GSTO1: variants seen among roughly 807,000 people sequenced by gnomAD.
The protein encoded by GSTO1 is glutathione S-transferase omega 1.
A neutral mutation model predicts 23.8 loss-of-function variants in GSTO1; 27 were observed. The ratio of observed to expected loss-of-function variants is 1.13; its 90% CI spans 0.83 to 1.56. GSTO1 has a LOEUF of 1.56. Ranked by LOEUF, GSTO1 falls within the 40% of genes most tolerant of loss-of-function variation. The probability of loss-of-function intolerance (pLI) is 0.00; values close to 1 mark genes in which losing one functional copy is unlikely to be tolerated. For synonymous variants in GSTO1, 105 were observed against 109.3 expected, an observed-to-expected ratio of 0.96 and a Z score of 0.25; for missense variants, 255 against 285.8, an observed-to-expected ratio of 0.89 and a Z score of 0.78.
Position 104,266,100 on chromosome 10 carries a change from A to C in GSTO1, c.482A>C (p.Lys161Thr), listed in dbSNP as rs200745440. 7.5e-6 allele frequency: 12 copies of C among 1,596,018 alleles called. No individual in the cohort carries two copies. Among genetic ancestry groups the C allele is most frequent in the East Asian group, 2.2e-5 (1 of 44,776 alleles). Reference protein sequence around the residue: ...TKLEEVLTNKKTTFFGGNSIS... With the variant: ...TKLEEVLTNKTTTFFGGNSIS... ...AATGTTCAGGTTCTGACTAATAAGA[A>C]GACGACCTTCTTTGGTGGCAATTCT... The change falls in exon 5 of 6, where the codon AAG becomes ACG. Residue 161 changes from lysine to threonine, a missense_variant. Coordinates refer to ENST00000369713, the MANE Select transcript of GSTO1 (RefSeq NM_004832.3).
In GSTO1 at chr10:104,267,324, G is replaced by A; in HGVS notation, c.645G>A (p.Leu215=). The change falls in exon 6 of 6, where the codon CTG becomes CTA. Residue 215 remains leucine, a synonymous_variant. Transcript: ENST00000369713. ...AGGAAGATCCCACAGTCTCAGCCCT[G>A]CTTACTAGTGAGAAAGACTGGCAAG... is the stretch of plus-strand genomic sequence containing the variant. The part of the protein sequence containing the change: ...AMKEDPTVSA[L]LTSEKDWQGF... 2 of 1,613,336 alleles carry A rather than the reference G, an allele frequency of 1.2e-6. No individual in the cohort carries two copies. Among genetic ancestry groups the A allele is most frequent in the Non-Finnish European group, 8.5e-7 (1 of 1,179,316 alleles).
At position 104,267,174 on chromosome 10, in the gene GSTO1, A is replaced by G. The variant is rs893448379; in HGVS notation, c.573-78A>G. 4 of 844,082 alleles carry G rather than the reference A, an allele frequency of 4.7e-6. No individual in the cohort carries two copies. In the African/African-American group the frequency reaches 6.8e-5, roughly 14 times the overall value. 52.3% of individuals were successfully genotyped at this position (844,082 alleles called of 1,614,324 possible). A position where few individuals can be genotyped will look rare whatever the true frequency, so the allele number is the denominator to read the frequency against. On this transcript the variant is annotated intron_variant, in intron 5 of 5. Coordinates refer to ENST00000369713, the MANE Select transcript of GSTO1 (RefSeq NM_004832.3). ...GGGAAAAAAGTGAAACTGTAGAGTA[A>G]TAATTACATATGGGAGACTCTGTGA...
intron 1 of GSTO1, 33 bp downstream of exon 1, chr10:104,254,995 C>G (rs553658962): frequency 6.3e-7 from 1 of 1,584,912 alleles, no homozygotes; most frequent in South Asian, 1.1e-5. Flanking sequence ...AGGGGGTGAT[C>G]TCGGCGACCC....
chr10:104,255,090 AC>A, intron 1 of GSTO1, 72 bp from the exon 2 acceptor site: 1 of 1,433,226 alleles, frequency 7.0e-7, no homozygotes, highest in African/African-American at 1.4e-5. Flanking sequence ...CTGCAGTGGG[AC>A]GCGGGGGCGG....
In GSTO1 at chr10:104,267,238, T is replaced by TC; in HGVS notation, c.573-12dup. The TC allele has an allele frequency of 6.3e-7, 1 of 1,595,292 alleles. No individual in the cohort carries two copies. Among genetic ancestry groups the TC allele is most frequent in the Non-Finnish European group, 8.6e-7 (1 of 1,169,534 alleles). Reference sequence around the variant, plus strand: ...GACCTAGCTCACACCTTTCATTTTTTCCTCTTCCCACAGGTGTGTAGACCA... The same window carrying TC: ...GACCTAGCTCACACCTTTCATTTTTTCCCTCTTCCCACAGGTGTGTAGACCA... On this transcript the variant is annotated splice_polypyrimidine_tract_variant and intron_variant, in intron 5 of 5. Coordinates refer to ENST00000369713, the MANE Select transcript of GSTO1 (RefSeq NM_004832.3).
chr10:104,261,093 A>G (rs1410446288), intron 3 of GSTO1, among the ~76,000 whole-genome samples: 6 of 152,188 alleles, frequency 3.9e-5, no homozygotes, highest in African/African-American at 1.4e-4. Context: ...GCTGGAATAT[A>G]AAGTGTCAGG....
At position 104,255,722 on chromosome 10, in the gene GSTO1, T is replaced by G. The variant is rs184601646; in HGVS notation, c.143+451T>G. Among the ~76,000 whole-genome samples, 231 of 152,332 alleles carry G rather than the reference T, an allele frequency of 1.5e-3. 1 individual carries two copies. Among genetic ancestry groups the G allele is most frequent in the African/African-American group, 5.2e-3 (215 of 41,566 alleles). On this transcript the variant is annotated intron_variant, in intron 2 of 5. Transcript: ENST00000369713. ...AGTAATTTACCCCAGTACAGCAGAG[T>G]TTAGACCCTGACCCTCCTAGGGTAG...
At chr10:104,266,031 G>C (rs545366222) in intron 4 of GSTO1, 53 bp from the exon 5 acceptor site, 1 of 911,742 alleles carries the variant, frequency 1.1e-6, no homozygotes, top group South Asian at 1.4e-5. Flanking sequence ...CATTTCTAGT[G>C]AGTCTTACTA....
chr10:104,254,741 C>T, upstream of GSTO1: 1 of 650,132 alleles, frequency 1.5e-6, no homozygotes, highest in Non-Finnish European at 2.7e-6. Context: ...TGACACAGCC[C>T]CTTAAGATGT....
At chr10:104,260,977 C>T (rs1467175803) in intron 3 of GSTO1, among the ~76,000 whole-genome samples, 1 of 152,136 alleles carries the variant, frequency 6.6e-6, no homozygotes, top group African/African-American at 2.4e-5. Flanking sequence ...CATGCAGCTT[C>T]AAGACACGAA....
At chr10:104,266,497 G>C (rs1029603032) in intron 5 of GSTO1, among the ~76,000 whole-genome samples, 3 of 152,248 alleles carry the variant, frequency 2.0e-5, no homozygotes, top group Non-Finnish European at 4.4e-5. Flanking sequence ...AGCACTTCGG[G>C]AGGCCGAGAC....
At chr10:104,258,445 AAAAAGGCAACCTATG>A (rs1485335985) in intron 2 of GSTO1, among the ~76,000 whole-genome samples, 1 of 152,244 alleles carries the variant, frequency 6.6e-6, no homozygotes, top group African/African-American at 2.4e-5. Context: ...TTAACAGAGC[AAAAAGGCAACCTATG>A]GAATAGGAGA....
At chr10:104,255,319 T>C in intron 2 of GSTO1, 48 bp downstream of exon 2, 1 of 1,298,584 alleles carries the variant, frequency 7.7e-7, no homozygotes, top group Non-Finnish European at 1.1e-6. Flanking sequence ...GGGAGCCTGC[T>C]GCAGGCGGCG....
chr10:104,256,775 C>CTT (rs35776315), intron 2 of GSTO1, among the ~76,000 whole-genome samples: 2 of 146,432 alleles, frequency 1.4e-5, no homozygotes, highest in African/African-American at 5.0e-5. Flanking sequence ...TTCTGACATA[C>CTT]TTTTTTTTTT....
chr10:104,261,531 AATGT>A (rs879824936), intron 3 of GSTO1, among the ~76,000 whole-genome samples: 11,196 of 152,220 alleles, frequency 0.074, 1,379 homozygotes, highest in African/African-American at 0.25. Flanking sequence ...GGGCTCAAAT[AATGT>A]TAATTAGAGG....
upstream of GSTO1, chr10:104,254,840 G>A (rs1446677499): frequency 1.0e-5 from 13 of 1,296,102 alleles, no homozygotes; most frequent in Admixed American, 1.3e-4. Flanking sequence ...AGGAGGAAGC[G>A]GGGGAGGGAA....
intron 2 of GSTO1, among the ~76,000 whole-genome samples, chr10:104,257,759 A>G (rs1032593824): frequency 6.6e-6 from 1 of 152,224 alleles, no homozygotes; most frequent in Non-Finnish European, 1.5e-5. Context: ...AGTGGACACA[A>G]TTCAATTAGT....
intron 3 of GSTO1, 123 bp downstream of exon 3, chr10:104,259,921 T>C: frequency 1.5e-6 from 1 of 660,048 alleles, no homozygotes; most frequent in South Asian, 1.9e-5. Context: ...GCTTGTCAGC[T>C]CTGAGTGTCC....
chr10:104,266,215 A>C, intron 5 of GSTO1, 25 bp downstream of exon 5: 2 of 1,237,498 alleles, frequency 1.6e-6, no homozygotes, highest in South Asian at 1.2e-5. Flanking sequence ...TATTTTGTGC[A>C]TAATTTAGGA....
Sources: allele counts gnomAD v4.1 joint callset (sites outside exome capture counted in the v4.1 genomes callset), GRCh38; gene constraint gnomAD v4.1.1; transcripts MANE v1.5; gene names NCBI Gene and HGNC (gene_info 2026-07-23, HGNC 2026-07-21).